Variants in ZHX3 observed in about 807,000 individuals in gnomAD.
The protein encoded by ZHX3 is zinc fingers and homeoboxes protein 3.
A neutral mutation model predicts 64.5 loss-of-function variants in ZHX3; 20 were observed. That is an observed-to-expected ratio of 0.31 (90% confidence interval 0.22 to 0.45). ZHX3 has a LOEUF of 0.45. Among genes scored for constraint, ZHX3 ranks in the 20% least tolerant of loss-of-function variants. The pLI, the probability that ZHX3 is intolerant of heterozygous loss-of-function variation, is 1.00. For missense variants in ZHX3, 1,041 were observed against 1,195.8 expected, an observed-to-expected ratio of 0.87 and a Z score of 1.91; for synonymous variants, 423 against 461.6, an observed-to-expected ratio of 0.92 and a Z score of 1.07.
At chr20:41,298,549 G>A (rs1487028985) in intron 1 of ZHX3, among the ~76,000 whole-genome samples, 2 of 152,186 alleles carry the variant, frequency 1.3e-5, no homozygotes, top group East Asian at 1.9e-4. Flanking sequence ...ATTAACAAAT[G>A]TAACAAAACA....
intron 1 of ZHX3, among the ~76,000 whole-genome samples, chr20:41,299,713 T>G (rs550976759): frequency 6.6e-6 from 1 of 151,970 alleles, no homozygotes; most frequent in African/African-American, 2.4e-5. Context: ...AATACAAAAA[T>G]TAGCCAGGCA....
At chr20:41,254,852 G>A (rs919536654) in intron 2 of ZHX3, among the ~76,000 whole-genome samples, 1 of 152,116 alleles carries the variant, frequency 6.6e-6, no homozygotes, top group Non-Finnish European at 1.5e-5. Flanking sequence ...GATAACGCAG[G>A]AGACAAGAAA....
chr20:41,218,244 G>T (rs2039685694), intron 2 of ZHX3, among the ~76,000 whole-genome samples: 1 of 152,084 alleles, frequency 6.6e-6, no homozygotes. Context: ...AGGAGTTTGA[G>T]AACAGCCTGG....
chr20:41,292,009 T>C (rs948985458), intron 1 of ZHX3, among the ~76,000 whole-genome samples: 4 of 103,364 alleles, frequency 3.9e-5, no homozygotes, highest in Non-Finnish European at 7.4e-5. Flanking sequence ...CAAGACCTCA[T>C]CTTTAAAAAA....
intron 3 of ZHX3, among the ~76,000 whole-genome samples, chr20:41,196,446 TATATA>T (rs1166556404): frequency 3.2e-4 from 20 of 62,360 alleles, no homozygotes; most frequent in East Asian, 9.4e-4. Flanking sequence ...ATATATATTA[TATATA>T]ATATATTTAT....
intron 1 of ZHX3, among the ~76,000 whole-genome samples, chr20:41,271,719 T>C (rs949259732): frequency 6.6e-6 from 1 of 152,208 alleles, no homozygotes; most frequent in Non-Finnish European, 1.5e-5. Context: ...CTCAGATCAT[T>C]TGCCAGAATA....
At chr20:41,286,709 A>C (rs750404474) in intron 1 of ZHX3, among the ~76,000 whole-genome samples, 8 of 152,072 alleles carry the variant, frequency 5.3e-5, no homozygotes, top group Non-Finnish European at 1.2e-4. Flanking sequence ...TCTCCCCTTG[A>C]TTACTCCACA....
chr20:41,305,944 C>T (rs1405802789), intron 1 of ZHX3, among the ~76,000 whole-genome samples: 1 of 151,922 alleles, frequency 6.6e-6, no homozygotes, highest in East Asian at 1.9e-4. Flanking sequence ...GATTTTTGTA[C>T]TATATTGTGG....
At chr20:41,216,668 A>G (rs972715790) in intron 2 of ZHX3, among the ~76,000 whole-genome samples, 4 of 152,222 alleles carry the variant, frequency 2.6e-5, no homozygotes, top group African/African-American at 9.6e-5. Context: ...AACTATTACA[A>G]TGACTCGGTG....
At position 41,202,520 on chromosome 20, in the gene ZHX3, G is replaced by C. The variant is rs2038316655; in HGVS notation, c.2397C>G (p.Ala799=). ...PSNQDYDSIM[A]QTGLPRPEVV... Reference sequence around the variant, plus strand: ...CCTCTGGCCGTGGCAGACCCGTCTGGGCCATGATGGAGTCATAGTCCTGGT... The same window carrying C: ...CCTCTGGCCGTGGCAGACCCGTCTGCGCCATGATGGAGTCATAGTCCTGGT... Residue 799 remains alanine, a synonymous_variant, in exon 3 of 4, where the codon GCC becomes GCG. Transcript: ENST00000683867. This position sits in a 1 kb window ranked among gnomAD's most constrained non-coding sequence, Gnocchi z 7.0. The C allele has an allele frequency of 6.2e-7, 1 of 1,614,158 alleles. No individual in the cohort carries two copies. The highest frequency in any genetic ancestry group is 1.3e-5 in the African/African-American group (1 of 75,048).
Position 41,232,722 on chromosome 20 carries a change from A to C in ZHX3, c.-150-27656T>G, listed in dbSNP as rs967860834. ...CTCCTGCCTCAGCCTCCCGCGGGGGACTACAGGCGCCCACCACCTCGCCCG... is the reference window on the plus strand; with the variant it reads ...CTCCTGCCTCAGCCTCCCGCGGGGGCCTACAGGCGCCCACCACCTCGCCCG... On this transcript the variant is annotated intron_variant, in intron 2 of 3. Transcript: ENST00000683867. This position sits in a 1 kb window ranked among gnomAD's most constrained non-coding sequence, Gnocchi z 5.0. Among the ~76,000 whole-genome samples the C allele has an allele frequency of 6.6e-6, 1 of 151,446 alleles. No individual in the cohort carries two copies. The highest frequency in any genetic ancestry group is 2.4e-5 in the African/African-American group (1 of 41,146).
intron 3 of ZHX3, among the ~76,000 whole-genome samples, chr20:41,187,116 C>T (rs976706408): frequency 6.6e-6 from 1 of 151,820 alleles, no homozygotes; most frequent in African/African-American, 2.4e-5. Context: ...GTCAGGAGTT[C>T]AAGACCAGCC....
chr20:41,226,881 G>C lies in ZHX3; in HGVS notation c.-150-21815C>G, dbSNP rs984692379. ...GCAGAATGAAGCTGCAGGTACTCAG[G>C]GTCTAAGCCCCCTGGAACAATAGAG... is the stretch of plus-strand genomic sequence containing the variant. On this transcript the variant is annotated intron_variant, in intron 2 of 3. Transcript: ENST00000683867. This position sits in a 1 kb window ranked among gnomAD's most constrained non-coding sequence, Gnocchi z 4.4. Among the ~76,000 whole-genome samples, 1 of 152,116 alleles carries C rather than the reference G, an allele frequency of 6.6e-6. No homozygotes were observed. Among genetic ancestry groups the C allele is most frequent in the Non-Finnish European group, 1.5e-5 (1 of 68,020 alleles).
intron 2 of ZHX3, among the ~76,000 whole-genome samples, chr20:41,265,404 G>C (rs1019088969): frequency 6.6e-6 from 1 of 152,082 alleles, no homozygotes; most frequent in Non-Finnish European, 1.5e-5. Context: ...GTTTCTCCAT[G>C]TTGGTCAGGC....
chr20:41,208,177 T>C lies in ZHX3; in HGVS notation c.-150-3111A>G, dbSNP rs147421384. ...AATCCCTGAATACACCAATAACAGG[T>C]TCTGAAATTAAGGCAATAATCAATA... On this transcript the variant is annotated intron_variant, in intron 2 of 3. Coordinates refer to ENST00000683867, the MANE Select transcript of ZHX3 (RefSeq NM_001384317.1). Among the ~76,000 whole-genome samples the C allele has an allele frequency of 7.1e-3, 1,075 of 151,858 alleles. 12 individuals carry two copies. The highest frequency in any genetic ancestry group is 0.025 in the African/African-American group (1,017 of 41,392).
intron 2 of ZHX3, among the ~76,000 whole-genome samples, chr20:41,233,733 A>G (rs1341348274): frequency 6.6e-6 from 1 of 152,264 alleles, no homozygotes; most frequent in African/African-American, 2.4e-5. Flanking sequence ...CTATCAGGAC[A>G]TCAGAACAGA....
intron 2 of ZHX3, among the ~76,000 whole-genome samples, chr20:41,210,248 G>A (rs2039055661): frequency 6.6e-6 from 1 of 152,178 alleles, no homozygotes; most frequent in Non-Finnish European, 1.5e-5. Context: ...CACTGTTGGT[G>A]GGACTGTAAA....
chr20:41,198,995 G>A (rs994385361), intron 3 of ZHX3, among the ~76,000 whole-genome samples: 13 of 151,344 alleles, frequency 8.6e-5, no homozygotes, highest in African/African-American at 3.2e-4. Flanking sequence ...TCTTTTGCAT[G>A]CCCAAATCTT....
rs138246127 is a variant in ZHX3, at chr20:41,259,133, G to A, written c.-151+9857C>T. Among the ~76,000 whole-genome samples, 20 of 152,180 alleles carry A rather than the reference G, an allele frequency of 1.3e-4. 1 individual carries two copies. The East Asian group carries it at 3.9e-3, about 29-fold the overall frequency. ...CTTTTTTCCTCTTTTAATACCAATG[G>A]AGTCAGATACCATGAGCTTAAATCA... is the stretch of plus-strand genomic sequence containing the variant. On this transcript the variant is annotated intron_variant, in intron 2 of 3. Transcript: ENST00000683867.
Sources: gnomAD v4.1 joint callset for allele counts (sites outside exome capture counted in the v4.1 genomes callset) on GRCh38, gnomAD v4.1.1 for gene constraint, Gnocchi (gnomAD v3.1) non-coding constraint, MANE v1.5 for transcripts, NCBI Gene and HGNC (gene_info 2026-07-23, HGNC 2026-07-21) for gene names.